Variants in GABRG3 observed in about 807,000 individuals in gnomAD.
GABRG3 encodes the protein gamma-aminobutyric acid receptor subunit gamma-3.
A neutral mutation model predicts 48.8 loss-of-function variants in GABRG3; 25 were observed. The observed-to-expected ratio is 0.51, with a 90% CI of 0.37 to 0.72. The LOEUF is 0.72. Ranked by LOEUF, GABRG3 falls within the 30% of genes least tolerant of loss-of-function variation. The probability of loss-of-function intolerance (pLI) is 0.00; values close to 1 mark genes in which losing one functional copy is unlikely to be tolerated. For synonymous variants in GABRG3, 227 were observed against 217.6 expected, an observed-to-expected ratio of 1.04 and a Z score of -0.38; for missense variants, 394 against 577.9, an observed-to-expected ratio of 0.68 and a Z score of 3.26.
chr15:27,486,415 T>C (rs1890221099), intron 6 of GABRG3, among the ~76,000 whole-genome samples: 1 of 152,214 alleles, frequency 6.6e-6, no homozygotes, highest in Non-Finnish European at 1.5e-5. Context: ...TTGAAGTTGA[T>C]TCAGTCTTTA....
intron 5 of GABRG3, among the ~76,000 whole-genome samples, chr15:27,451,245 GAAC>G (rs1043131335): frequency 3.9e-5 from 6 of 151,938 alleles, no homozygotes; most frequent in Non-Finnish European, 8.8e-5. Context: ...TTCTCATAAA[GAAC>G]AACAAAGTTG....
Position 27,052,366 on chromosome 15 carries a change from A to G in GABRG3, c.270+25545A>G, listed in dbSNP as rs917825687. Among the ~76,000 whole-genome samples the G allele has an allele frequency of 6.6e-5, 10 of 152,224 alleles. No homozygotes were observed. In the East Asian group the frequency reaches 1.3e-3, roughly 21 times the overall value. ...GACTCAGCCCTCAGGTGGTGGCACCATAGCCAGTGGCCAGTGGGGCCTCGG... is the reference window on the plus strand; with the variant it reads ...GACTCAGCCCTCAGGTGGTGGCACCGTAGCCAGTGGCCAGTGGGGCCTCGG... On this transcript the variant is annotated intron_variant, in intron 3 of 9. Transcript: ENST00000615808.
chr15:27,217,267 A>G (rs1889291360), intron 3 of GABRG3, among the ~76,000 whole-genome samples: 3 of 152,170 alleles, frequency 2.0e-5, no homozygotes, highest in Admixed American at 2.0e-4. Flanking sequence ...CTTGGAACCA[A>G]CCCAAATGAC....
chr15:27,468,511 A>G (rs999644292), intron 5 of GABRG3, among the ~76,000 whole-genome samples: 1 of 152,174 alleles, frequency 6.6e-6, no homozygotes, highest in African/African-American at 2.4e-5. Flanking sequence ...GGTCTTAGCC[A>G]GTTTGGTCCA....
chr15:27,083,822 G>C (rs535452304), intron 3 of GABRG3, among the ~76,000 whole-genome samples: 4 of 152,194 alleles, frequency 2.6e-5, no homozygotes, highest in African/African-American at 9.6e-5. Flanking sequence ...TCAAATACCC[G>C]TTAGCAGTGT....
chr15:27,504,271 AT>A (rs1305266516), intron 6 of GABRG3, among the ~76,000 whole-genome samples: 3 of 151,134 alleles, frequency 2.0e-5, no homozygotes, highest in Non-Finnish European at 4.4e-5. Context: ...CTTCTCGTCT[AT>A]TTTTTGTTCA....
chr15:26,983,535 G>A (rs1439390546), intron 2 of GABRG3, among the ~76,000 whole-genome samples: 1 of 152,184 alleles, frequency 6.6e-6, no homozygotes, highest in Admixed American at 6.6e-5. Context: ...AAGATGGAAG[G>A]CTGAGGCAGG....
At chr15:27,361,059 C>A (rs2140546379) in intron 5 of GABRG3, among the ~76,000 whole-genome samples, 1 of 152,302 alleles carries the variant, frequency 6.6e-6, no homozygotes, top group South Asian at 2.1e-4. Context: ...CAGCTGTGAC[C>A]ACTCATAGCA....
At chr15:27,384,212 C>G in intron 5 of GABRG3, among the ~76,000 whole-genome samples, 1 of 152,104 alleles carries the variant, frequency 6.6e-6, no homozygotes, top group East Asian at 1.9e-4. Context: ...ACAGAAAATA[C>G]CCAGGATACA....
rs11853440 is a variant in GABRG3 at position 26,974,029 on chromosome 15, G to T, written c.53+2441G>T. Among the ~76,000 whole-genome samples, 3,702 of 152,294 alleles carry T rather than the reference G, an allele frequency of 0.024. 154 individuals are homozygous for T. Among genetic ancestry groups the T allele is most frequent in the African/African-American group, 0.084 (3,476 of 41,548 alleles). On this transcript the variant is annotated intron_variant, in intron 1 of 9. Transcript: ENST00000615808. The surrounding 1 kb of genome is among the most constrained non-coding windows in gnomAD (Gnocchi z 4.3). ...TGAGATTTCATTTTTGTCAAAGCAA[G>T]GATTTTCCTGTGGGCCTGGTGGTCT...
Position 27,106,583 on chromosome 15 carries a change from A to G in GABRG3, c.270+79762A>G, listed in dbSNP as rs941815215. 2.6e-5 allele frequency among the ~76,000 whole-genome samples: 4 copies of G among 152,016 alleles called. No homozygotes were observed. In the South Asian group the frequency reaches 6.2e-4, roughly 24 times the overall value. ...CAGAAGGAAGACAGTACTAAAGAGC[A>G]GAAACTAATGCAAGTGAAAATAGAA... is the stretch of plus-strand genomic sequence containing the variant. On this transcript the variant is annotated intron_variant, in intron 3 of 9. Transcript: ENST00000615808.
chr15:27,491,694 G>A (rs967383569), intron 6 of GABRG3, among the ~76,000 whole-genome samples: 19 of 152,132 alleles, frequency 1.2e-4, no homozygotes, highest in Admixed American at 2.0e-4. Context: ...ATATGTCCAC[G>A]TAATGCTTAA....
intron 3 of GABRG3, among the ~76,000 whole-genome samples, chr15:27,135,284 A>T (rs984409278): frequency 3.9e-5 from 6 of 152,172 alleles, no homozygotes; most frequent in African/African-American, 1.4e-4. Flanking sequence ...ATCAAGCAGA[A>T]CTCATTAATA....
At position 27,162,362 on chromosome 15, in the gene GABRG3, A is replaced by G. The variant is rs576605318; in HGVS notation, c.270+135541A>G. ...AAGCTAAAACTGTTTCACTGAAATC[A>G]TGGTAAGGTATTGACATGGTAAAGC... On this transcript the variant is annotated intron_variant, in intron 3 of 9. Coordinates refer to ENST00000615808, the MANE Select transcript of GABRG3 (RefSeq NM_033223.5). Among the ~76,000 whole-genome samples the G allele has an allele frequency of 7.2e-5, 11 of 152,268 alleles. No homozygotes were observed. The South Asian group carries it at 2.3e-3, about 32-fold the overall frequency.
In GABRG3 at chr15:26,986,167, A is replaced by G. The variant is rs549282890; in HGVS notation, c.202+9017A>G. Among the ~76,000 whole-genome samples, 200 of 152,288 alleles carry G rather than the reference A, an allele frequency of 1.3e-3. 1 individual carries two copies. The highest frequency in any genetic ancestry group is 3.4e-3 in the Middle Eastern group (1 of 294). On this transcript the variant is annotated intron_variant, in intron 2 of 9. Coordinates refer to ENST00000615808, the MANE Select transcript of GABRG3 (RefSeq NM_033223.5). ...CCACAGCCCACCGTGCATACAAATG[A>G]CTTGTCATTTACCAGCAATTACTGT... is the stretch of plus-strand genomic sequence containing the variant.
intron 5 of GABRG3, among the ~76,000 whole-genome samples, chr15:27,381,632 C>T (rs1310335000): frequency 6.6e-6 from 1 of 152,180 alleles, no homozygotes; most frequent in Non-Finnish European, 1.5e-5. Context: ...CAGTGATTTG[C>T]CTTGTGACCT....
At chr15:27,055,350 A>G (rs988954773) in intron 3 of GABRG3, among the ~76,000 whole-genome samples, 1 of 152,250 alleles carries the variant, frequency 6.6e-6, no homozygotes, top group Non-Finnish European at 1.5e-5. Flanking sequence ...AATTAGTTCT[A>G]AAGCTATCAT....
At position 27,528,006 on chromosome 15, in the gene GABRG3, T is replaced by G. The variant is rs368873851; in HGVS notation, c.1122+14T>G. ...CAAGCCCCTTCCGTACGTATAGCAT[T>G]GCAGGTGCCAATATTTCTGAGAACT... On this transcript the variant is annotated intron_variant, in intron 9 of 9. Transcript: ENST00000615808. The G allele has an allele frequency of 3.4e-5, 53 of 1,577,088 alleles. No individual in the cohort carries two copies. In the African/African-American group the frequency reaches 6.3e-4, roughly 19 times the overall value.
At chr15:27,323,438 C>T (rs1324042834) in intron 3 of GABRG3, among the ~76,000 whole-genome samples, 1 of 152,124 alleles carries the variant, frequency 6.6e-6, no homozygotes, top group Non-Finnish European at 1.5e-5. Context: ...GTTCCTCAAT[C>T]CAGTAAACCA....
Sources: allele counts gnomAD v4.1 joint callset (sites outside exome capture counted in the v4.1 genomes callset), GRCh38; gene constraint gnomAD v4.1.1; non-coding constraint Gnocchi (gnomAD v3.1); transcripts MANE v1.5; gene names NCBI Gene and HGNC (gene_info 2026-07-23, HGNC 2026-07-21).